The following XPO1 variants were observed in gnomAD, a reference collection of about 807,000 sequenced individuals.
XPO1 encodes the protein exportin-1.
A neutral mutation model predicts 133.3 loss-of-function variants in XPO1; 5 were observed. The ratio of observed to expected loss-of-function variants is 0.04; its 90% CI spans 0.02 to 0.08. The LOEUF is 0.08. XPO1 is among the 10% of genes least tolerant of loss of function. The pLI, the probability that XPO1 is intolerant of heterozygous loss-of-function variation, is 1.00. For missense variants in XPO1, 506 were observed against 1,267.5 expected (o/e 0.40, Z 9.12); for synonymous variants, 419 against 408.2 (o/e 1.03, Z -0.32).
intron 4 of XPO1, among the ~76,000 whole-genome samples, chr2:61,515,370 GT>G (rs1396033396): frequency 2.0e-5 from 3 of 152,166 alleles, no homozygotes; most frequent in Non-Finnish European, 4.4e-5. Flanking sequence ...TATTAGTTCC[GT>G]TTCTGAAACT....
intron 19 of XPO1, among the ~76,000 whole-genome samples, chr2:61,487,586 T>G (rs1354193196): frequency 6.6e-6 from 1 of 151,838 alleles, no homozygotes; most frequent in Non-Finnish European, 1.5e-5. Context: ...ATAGTAGTAT[T>G]AGAATTTTTT....
At position 61,498,586 on chromosome 2, in the gene XPO1, G is replaced by T. The variant is rs902590408; in HGVS notation, c.759+87C>A. 4 of 1,530,530 alleles carry T rather than the reference G, an allele frequency of 2.6e-6. No individual in the cohort carries two copies. In the African/African-American group the frequency reaches 5.5e-5, roughly 21 times the overall value. The allele number at this position is 1,530,530 out of a possible 1,614,324, so 94.8% of individuals were successfully genotyped here. ...CGTGTTAGAAACAAGGTTGAATAAG[G>T]TTTAGAATGCAGAGATGAGAGCTTT... On this transcript the variant is annotated intron_variant, in intron 9 of 24. Coordinates refer to ENST00000401558, the MANE Select transcript of XPO1 (RefSeq NM_003400.4).
At chr2:61,534,913 T>C (rs1699296639) in intron 1 of XPO1, among the ~76,000 whole-genome samples, 1 of 152,120 alleles carries the variant, frequency 6.6e-6, no homozygotes, top group Admixed American at 6.6e-5. Context: ...TTACTGAATA[T>C]ATGATCTAGG....
At chr2:61,512,481 A>C (rs1045360261) in intron 4 of XPO1, among the ~76,000 whole-genome samples, 1 of 152,196 alleles carries the variant, frequency 6.6e-6, no homozygotes, top group African/African-American at 2.4e-5. Context: ...GTTTTCTCAC[A>C]ACAGGAAGGG....
intron 4 of XPO1, among the ~76,000 whole-genome samples, chr2:61,506,881 C>T (rs1050796707): frequency 3.3e-5 from 5 of 152,002 alleles, no homozygotes; most frequent in African/African-American, 9.7e-5. Context: ...TTACATAACA[C>T]ATTTCAATTC....
chr2:61,483,760 C>G (rs1696531137), intron 21 of XPO1, 177 bp downstream of exon 21: 1 of 644,728 alleles, frequency 1.6e-6, no homozygotes, highest in Non-Finnish European at 2.5e-6. Context: ...TGCCTATGGA[C>G]TCACTTGGAG....
chr2:61,499,666 T>C (rs1357220835), intron 7 of XPO1, 47 bp downstream of exon 7: 55 of 1,494,742 alleles, frequency 3.7e-5, no homozygotes, highest in Non-Finnish European at 4.3e-5. Context: ...CTGCTTGAAA[T>C]TGTTTGAGAA....
intron 20 of XPO1, 42 bp downstream of exon 20, chr2:61,485,726 T>A (rs757315461): frequency 8.6e-6 from 13 of 1,511,742 alleles, no homozygotes; most frequent in Non-Finnish European, 1.2e-5. Flanking sequence ...ATTAAGGCTA[T>A]CCTGCAGAAT....
In XPO1 at chr2:61,526,046, C is replaced by G. The variant is rs1698894192; in HGVS notation, c.228+374G>C. On this transcript the variant is annotated intron_variant, in intron 3 of 24. Coordinates refer to ENST00000401558, the MANE Select transcript of XPO1 (RefSeq NM_003400.4). ...GTAGGGTTTTAAGCTGTCCACACAA[C>G]TTGGTGTCAGAGGTGCCTGGCCTGT... 1.5e-5 allele frequency: 16 copies of G among 1,076,538 alleles called. No individual in the cohort carries two copies. The South Asian group carries it at 5.4e-4, about 36-fold the overall frequency. 66.7% of individuals were successfully genotyped at this position (1,076,538 alleles called of 1,614,324 possible).
chr2:61,484,201 G>C lies in XPO1; in HGVS notation c.2509-96C>G, dbSNP rs142799269. 83 of 1,130,530 alleles carry C rather than the reference G, an allele frequency of 7.3e-5. No homozygotes were observed. In the African/African-American group the frequency reaches 1.1e-3, roughly 15 times the overall value. The allele number at this position is 1,130,530 out of a possible 1,614,324, so 70.0% of individuals were successfully genotyped here. A position where few individuals can be genotyped will look rare whatever the true frequency, so the allele number is the denominator to read the frequency against. On this transcript the variant is annotated intron_variant, in intron 20 of 24. Transcript: ENST00000401558. The stretch of plus-strand genomic sequence containing the variant: ...AGGCTTAATCCAGTATAAATATTTG[G>C]AGTTTTCAATAAACCACAGAAGATA...
At chr2:61,515,609 C>T (rs1446337302) in intron 4 of XPO1, among the ~76,000 whole-genome samples, 1 of 152,132 alleles carries the variant, frequency 6.6e-6, no homozygotes, top group East Asian at 1.9e-4. Flanking sequence ...CAAAACCTTG[C>T]AACACAAACT....
intron 2 of XPO1, among the ~76,000 whole-genome samples, chr2:61,527,314 G>T (rs919964136): frequency 1.1e-4 from 13 of 118,958 alleles, no homozygotes; most frequent in Middle Eastern, 6.2e-3. Context: ...ACGAGGCCAT[G>T]ACTCTCCAAA....
intron 24 of XPO1, among the ~76,000 whole-genome samples, chr2:61,480,023 C>T (rs933257784): frequency 6.6e-6 from 1 of 152,068 alleles, no homozygotes; most frequent in Non-Finnish European, 1.5e-5. Context: ...TGCCACCAGA[C>T]CTGGCTAATT....
At chr2:61,526,891 A>G (rs1304054901) in intron 2 of XPO1, among the ~76,000 whole-genome samples, 1 of 152,034 alleles carries the variant, frequency 6.6e-6, no homozygotes, top group Non-Finnish European at 1.5e-5. Context: ...TATTTTTAGT[A>G]GAGATGGGGT....
intron 3 of XPO1, chr2:61,526,175 G>T (rs979208854): frequency 1.2e-5 from 15 of 1,296,460 alleles, no homozygotes; most frequent in Non-Finnish European, 1.5e-5. Flanking sequence ...ATACTAAAAA[G>T]AAAAAAACAA....
chr2:61,501,548 CCT>C (rs1372565159), intron 6 of XPO1, among the ~76,000 whole-genome samples: 4 of 151,740 alleles, frequency 2.6e-5, no homozygotes, highest in African/African-American at 9.7e-5. Flanking sequence ...ATGGTGAAAC[CCT>C]GTCTCTACTA....
At position 61,490,783 on chromosome 2, in the gene XPO1, T is replaced by G; in HGVS notation, c.1888-7A>C. ...CTTCATAAAACGTATGAACCTATTT[T>G]AAAAAGCAGACATTTTAACGTTTAT... On this transcript the variant is annotated splice_region_variant and splice_polypyrimidine_tract_variant and intron_variant, in intron 16 of 24. Transcript: ENST00000401558. 6.2e-7 allele frequency: 1 copy of G among 1,609,912 alleles called. No homozygotes were observed.
chr2:61,500,658 GGGT>G (rs1210145261), intron 6 of XPO1, among the ~76,000 whole-genome samples: 4 of 150,460 alleles, frequency 2.7e-5, no homozygotes, highest in Admixed American at 2.6e-4. Context: ...AATTAGCCAG[GGGT>G]GGTGGCGCGG....
intron 4 of XPO1, 143 bp from the exon 5 acceptor site, chr2:61,502,453 T>C (rs1331392119): frequency 1.2e-6 from 1 of 826,742 alleles, no homozygotes; most frequent in Non-Finnish European, 1.8e-6. Context: ...AGTATTGGCA[T>C]TTTAAAAAAA....
Sources: gnomAD v4.1 joint callset for allele counts (sites outside exome capture counted in the v4.1 genomes callset) on GRCh38, gnomAD v4.1.1 for gene constraint, MANE v1.5 for transcripts, NCBI Gene and HGNC (gene_info 2026-07-23, HGNC 2026-07-21) for gene names.